The following CASZ1 variants were observed in gnomAD, a reference collection of about 807,000 sequenced individuals.
CASZ1 encodes castor zinc finger 1, also known as zinc finger protein castor homolog 1.
CASZ1 carries 28 observed loss-of-function variants against 135.2 expected under a neutral mutation model. That is an observed-to-expected ratio of 0.21 (90% CI 0.15 to 0.28). The LOEUF is 0.28. Ranked by LOEUF, CASZ1 falls within the 10% of genes least tolerant of loss-of-function variation. The probability of loss-of-function intolerance (pLI) is 1.00; values close to 1 mark genes in which losing one functional copy is unlikely to be tolerated. For missense variants in CASZ1, 2,161 were observed against 2,453.3 expected (o/e 0.88, Z 2.52); for synonymous variants, 1,068 against 1,073.4 (o/e 0.99, Z 0.10).
At position 10,747,817 on chromosome 1, in the gene CASZ1, CT is replaced by C. The variant is rs34001765; in HGVS notation, c.-77+12883del. ...CAGTACACTGTGCTCACCTGCCTGA[CT>C]TTTTTTTTTTTTTTTTGAGATGGAG... On this transcript the variant is annotated intron_variant, in intron 2 of 20. Coordinates refer to ENST00000377022, the MANE Select transcript of CASZ1 (RefSeq NM_001079843.3). This position sits in a 1 kb window ranked among gnomAD's most constrained non-coding sequence, Gnocchi z 4.3. Among the ~76,000 whole-genome samples the C allele has an allele frequency of 0.3, 40,715 of 133,964 alleles. 6,262 individuals are homozygous for C. Among genetic ancestry groups the C allele is most frequent in the African/African-American group, 0.43 (14,868 of 34,818 alleles). The allele number at this position is 133,964 out of a possible 152,430, so 87.9% of individuals were successfully genotyped here.
Position 10,762,361 on chromosome 1 carries a change from G to A in CASZ1, c.-233-1504C>T, listed in dbSNP as rs1640394430. Among the ~76,000 whole-genome samples, 1 of 152,126 alleles carries A rather than the reference G, an allele frequency of 6.6e-6. No homozygotes were observed. Among genetic ancestry groups the A allele is most frequent in the Non-Finnish European group, 1.5e-5 (1 of 68,014 alleles). Reference sequence around the variant, plus strand: ...TGGATTCCTGCCAGGCCCCTAATGTGAGTTTCGTGTGATTTGGGGGAAGTG... The same window carrying A: ...TGGATTCCTGCCAGGCCCCTAATGTAAGTTTCGTGTGATTTGGGGGAAGTG... On this transcript the variant is annotated intron_variant, in intron 1 of 20. Transcript: ENST00000377022. This position sits in a 1 kb window ranked among gnomAD's most constrained non-coding sequence, Gnocchi z 4.1.
intron 2 of CASZ1, among the ~76,000 whole-genome samples, chr1:10,715,679 GCTCCCTGCAGCACCCAATCCA>G (rs1639369418): frequency 5.4e-4 from 53 of 97,496 alleles, no homozygotes; most frequent in Middle Eastern, 8.8e-3. Flanking sequence ...CACCCAATCC[GCTCCCTGCAGCACCCAATCCA>G]CACCCCAGAG....
chr1:10,690,385 C>T (rs1324421353), intron 4 of CASZ1, among the ~76,000 whole-genome samples: 1 of 152,216 alleles, frequency 6.6e-6, no homozygotes, highest in Non-Finnish European at 1.5e-5. Flanking sequence ...AGCTTAGACA[C>T]CGTCTAGAAG....
Position 10,767,876 on chromosome 1 carries a change from G to T in CASZ1, c.-233-7019C>A. On this transcript the variant is annotated intron_variant, in intron 1 of 20. Coordinates refer to ENST00000377022, the MANE Select transcript of CASZ1 (RefSeq NM_001079843.3). The surrounding 1 kb of genome is among the most constrained non-coding windows in gnomAD (Gnocchi z 4.2). Reference sequence around the variant, plus strand: ...GGCCCATGAGGAGGGCCACGACCCTGGCATCACCCCAGTCCCCCAACGCCC... The same window carrying T: ...GGCCCATGAGGAGGGCCACGACCCTTGCATCACCCCAGTCCCCCAACGCCC... Among the ~76,000 whole-genome samples the T allele has an allele frequency of 6.6e-6, 1 of 151,678 alleles. No individual in the cohort carries two copies. The highest frequency in any genetic ancestry group is 1.9e-4 in the East Asian group (1 of 5,182).
rs1307556157 is a variant in CASZ1, at chr1:10,688,254, G to A, written c.16+5620C>T. Among the ~76,000 whole-genome samples, 3 of 152,326 alleles carry A rather than the reference G, an allele frequency of 2.0e-5. No individual in the cohort carries two copies. The East Asian group carries it at 5.8e-4, about 29-fold the overall frequency. On this transcript the variant is annotated intron_variant, in intron 4 of 20. Coordinates refer to ENST00000377022, the MANE Select transcript of CASZ1 (RefSeq NM_001079843.3). ...GTCTACCCGGAGCCCCAGAACAGCAGGCTCGCAGCCAGCAGCTTCTCTATC... is the reference window on the plus strand; with the variant it reads ...GTCTACCCGGAGCCCCAGAACAGCAAGCTCGCAGCCAGCAGCTTCTCTATC...
chr1:10,693,157 C>T (rs1038899574), intron 4 of CASZ1, among the ~76,000 whole-genome samples: 2 of 152,110 alleles, frequency 1.3e-5, no homozygotes, highest in Non-Finnish European at 2.9e-5. Context: ...AACCCAGATG[C>T]CTACGTTGAG....
At position 10,729,885 on chromosome 1, in the gene CASZ1, A is replaced by C. The variant is rs150134409; in HGVS notation, c.-76-24341T>G. 3.5e-3 allele frequency among the ~76,000 whole-genome samples: 530 copies of C among 149,940 alleles called. 2 individuals are homozygous for C. The highest frequency in any genetic ancestry group is 0.018 in the Middle Eastern group (5 of 278). On this transcript the variant is annotated intron_variant, in intron 2 of 20. Transcript: ENST00000377022. The stretch of plus-strand genomic sequence containing the variant: ...GGCTGGAGTGCAGCGGTGCTATCTC[A>C]GCTCACTGCAACTTCCGCCTCCCAG...
chr1:10,654,698 GCT>G, intron 9 of CASZ1, 107 bp from the exon 10 acceptor site: 1 of 1,104,758 alleles, frequency 9.1e-7, no homozygotes, highest in Non-Finnish European at 1.3e-6. Context: ...GCTCAGGGAA[GCT>G]TTGGCACCTC....
intron 2 of CASZ1, among the ~76,000 whole-genome samples, chr1:10,730,627 G>A (rs2100507256): frequency 6.6e-6 from 1 of 152,338 alleles, no homozygotes; most frequent in Non-Finnish European, 1.5e-5. Flanking sequence ...AGTGGACAAA[G>A]TGGGCCTGTC....
chr1:10,650,604 T>TA, intron 13 of CASZ1, 88 bp downstream of exon 13: 2 of 1,138,068 alleles, frequency 1.8e-6, no homozygotes, highest in Non-Finnish European at 1.3e-6. Flanking sequence ...GGCAAAACAT[T>TA]AAAAAACAAA....
chr1:10,707,221 C>T lies in CASZ1; in HGVS notation c.-76-1677G>A, dbSNP rs1639195946. Among the ~76,000 whole-genome samples, 1 of 152,190 alleles carries T rather than the reference C, an allele frequency of 6.6e-6. No individual in the cohort carries two copies. The highest frequency in any genetic ancestry group is 2.1e-4 in the South Asian group (1 of 4,826). Reference sequence around the variant, plus strand: ...CACAACTCTGGTATCTCCCTTCCACCACCTTTCTCTCCCCTCCCATCCTCC... The same window carrying T: ...CACAACTCTGGTATCTCCCTTCCACTACCTTTCTCTCCCCTCCCATCCTCC... On this transcript the variant is annotated intron_variant, in intron 2 of 20. Transcript: ENST00000377022. The surrounding 1 kb of genome is among the most constrained non-coding windows in gnomAD (Gnocchi z 5.0).
chr1:10,689,304 C>T (rs1421167516), intron 4 of CASZ1, among the ~76,000 whole-genome samples: 1 of 152,332 alleles, frequency 6.6e-6, no homozygotes, highest in East Asian at 1.9e-4. Context: ...GCCACTTTCA[C>T]GAGGAGATGC....
intron 1 of CASZ1, among the ~76,000 whole-genome samples, chr1:10,773,396 TG>T (rs1570580625): frequency 5.9e-5 from 2 of 33,656 alleles, no homozygotes; most frequent in Admixed American, 2.9e-4. Flanking sequence ...GAGTGTGGGC[TG>T]GGGGAGGGGG....
chr1:10,782,354 A>C (rs1203286685), intron 1 of CASZ1, among the ~76,000 whole-genome samples: 1 of 152,256 alleles, frequency 6.6e-6, no homozygotes, highest in Non-Finnish European at 1.5e-5. Context: ...GGCCCTTGGC[A>C]TCCATGAACC....
Position 10,662,843 on chromosome 1 carries a change from G to A in CASZ1, c.505+2240C>T, listed in dbSNP as rs1387820454. On this transcript the variant is annotated intron_variant, in intron 5 of 20. Coordinates refer to ENST00000377022, the MANE Select transcript of CASZ1 (RefSeq NM_001079843.3). Reference sequence around the variant, plus strand: ...CAGACATACAGGTACACAACCCCCTGAACCCCTGCCCTGGGTCTCTCGGAA... The same window carrying A: ...CAGACATACAGGTACACAACCCCCTAAACCCCTGCCCTGGGTCTCTCGGAA... Among the ~76,000 whole-genome samples, 6 of 152,136 alleles carry A rather than the reference G, an allele frequency of 3.9e-5. No individual in the cohort carries two copies. In the East Asian group the frequency reaches 1.2e-3, roughly 29 times the overall value.
In CASZ1 at chr1:10,709,608, G is replaced by A. The variant is rs980710957; in HGVS notation, c.-76-4064C>T. On this transcript the variant is annotated intron_variant, in intron 2 of 20. Coordinates refer to ENST00000377022, the MANE Select transcript of CASZ1 (RefSeq NM_001079843.3). This position sits in a 1 kb window ranked among gnomAD's most constrained non-coding sequence, Gnocchi z 5.1. ...ATGTTAAAAGAGTGAAAAAGAAAGAGAGAGCGGGAGAGGGGGAGAGAGAGA... is the reference window on the plus strand; with the variant it reads ...ATGTTAAAAGAGTGAAAAAGAAAGAAAGAGCGGGAGAGGGGGAGAGAGAGA... Among the ~76,000 whole-genome samples the A allele has an allele frequency of 8.5e-5, 13 of 152,196 alleles. No individual in the cohort carries two copies. Among genetic ancestry groups the A allele is most frequent in the African/African-American group, 3.1e-4 (13 of 41,444 alleles).
rs745802917 is a variant in CASZ1 at position 10,666,624 on chromosome 1, G to T, written c.17-1053C>A. ...ATGTGACAGCCCGACACACACAGCCGGAAGGAAGCCCTCATGAGGCGACTT... is the reference window on the plus strand; with the variant it reads ...ATGTGACAGCCCGACACACACAGCCTGAAGGAAGCCCTCATGAGGCGACTT... On this transcript the variant is annotated intron_variant, in intron 4 of 20. Transcript: ENST00000377022. The surrounding 1 kb of genome is among the most constrained non-coding windows in gnomAD (Gnocchi z 5.2). 4.6e-5 allele frequency among the ~76,000 whole-genome samples: 7 copies of T among 152,130 alleles called. No individual in the cohort carries two copies.
intron 2 of CASZ1, among the ~76,000 whole-genome samples, chr1:10,745,220 C>T (rs567551909): frequency 6.6e-6 from 1 of 152,284 alleles, no homozygotes; most frequent in East Asian, 1.9e-4. Context: ...TTCCTCACCT[C>T]TGACTCACAT....
rs755883738 is a variant in CASZ1 at position 10,640,000 on chromosome 1, C to T, written c.4222G>A (p.Asp1408Asn). ...GAKKRFWIIEDMSPFGKRRKT... is the reference protein window; with the variant it reads ...GAKKRFWIIENMSPFGKRRKT... ...CGCCGCTTGCCGAAGGGCGACATGT[C>T]CTCGATGATCCAGAAGCGCTTTTTG... Residue 1408 changes from aspartate to asparagine, a missense_variant, in exon 21 of 21, where the codon GAC becomes AAC. Coordinates refer to ENST00000377022, the MANE Select transcript of CASZ1 (RefSeq NM_001079843.3). This position sits in a 1 kb window ranked among gnomAD's most constrained non-coding sequence, Gnocchi z 4.0. 18 of 1,612,304 alleles carry T rather than the reference C, an allele frequency of 1.1e-5. 1 individual carries two copies. In the South Asian group the frequency reaches 1.5e-4, roughly 14 times the overall value.
Sources: allele counts gnomAD v4.1 joint callset (sites outside exome capture counted in the v4.1 genomes callset), GRCh38; gene constraint gnomAD v4.1.1; non-coding constraint Gnocchi (gnomAD v3.1); transcripts MANE v1.5; gene names NCBI Gene and HGNC (gene_info 2026-07-23, HGNC 2026-07-21).